The following PPFIA2 variants were observed in gnomAD, a reference collection of about 807,000 sequenced individuals.
PPFIA2 encodes liprin-alpha-2.
In PPFIA2, 46 loss-of-function variants were observed where a neutral mutation model predicts 175.5. The observed-to-expected ratio is 0.26, with a 90% CI of 0.21 to 0.34. The LOEUF (loss-of-function observed/expected upper bound fraction) is 0.34. PPFIA2 is among the 10% of genes least tolerant of loss of function. The pLI is 1.00. For synonymous variants in PPFIA2, 568 were observed against 511.4 expected, an observed-to-expected ratio of 1.11 and a Z score of -1.49; for missense variants, 1,179 against 1,506.1, an observed-to-expected ratio of 0.78 and a Z score of 3.60.
At chr12:81,478,051 G>T (rs1482529087) in intron 4 of PPFIA2, among the ~76,000 whole-genome samples, 1 of 151,818 alleles carries the variant, frequency 6.6e-6, no homozygotes, top group African/African-American at 2.4e-5. Context: ...GGCTTTTTTT[G>T]GTTGGTAGGC....
intron 3 of PPFIA2, among the ~76,000 whole-genome samples, chr12:81,721,363 G>A (rs944757105): frequency 4.6e-5 from 7 of 151,240 alleles, no homozygotes; most frequent in South Asian, 2.1e-4. Context: ...CTCCAATTGG[G>A]AAGGGACTAT....
chr12:81,593,081 C>A (rs1473368815), intron 4 of PPFIA2, among the ~76,000 whole-genome samples: 2 of 152,044 alleles, frequency 1.3e-5, no homozygotes, highest in Non-Finnish European at 2.9e-5. Context: ...AATAAAATTT[C>A]TTCATGCAAT....
rs754898398 is a variant in PPFIA2, at chr12:81,369,289, C to T, written c.1267-95G>A. 4.5e-6 allele frequency: 7 copies of T among 1,539,390 alleles called. No individual in the cohort carries two copies. In the East Asian group the frequency reaches 1.7e-4, roughly 37 times the overall value. ...AAATAAAATGTAAAGCAAGCTACTA[C>T]CAACTGCAAACATAGTTTTTAAAAA... On this transcript the variant is annotated intron_variant, in intron 11 of 32. Coordinates refer to ENST00000549396, the MANE Select transcript of PPFIA2 (RefSeq NM_003625.5).
intron 3 of PPFIA2, among the ~76,000 whole-genome samples, chr12:81,721,144 C>A (rs904317916): frequency 6.7e-6 from 1 of 149,080 alleles, no homozygotes; most frequent in Admixed American, 6.7e-5. Context: ...ATTAATATTA[C>A]AGAAAAGGGG....
At chr12:81,324,086 AT>A (rs1191695984) in intron 22 of PPFIA2, among the ~76,000 whole-genome samples, 4 of 152,028 alleles carry the variant, frequency 2.6e-5, no homozygotes. Flanking sequence ...TTACAGTTAC[AT>A]TTTGCCAATA....
chr12:81,538,002 T>A (rs556848933), intron 4 of PPFIA2, among the ~76,000 whole-genome samples: 5 of 152,020 alleles, frequency 3.3e-5, no homozygotes, highest in Admixed American at 6.6e-5. Context: ...TGCAATCTGA[T>A]AATAAGCAAA....
At chr12:81,579,876 C>T (rs1452366508) in intron 4 of PPFIA2, among the ~76,000 whole-genome samples, 1 of 151,716 alleles carries the variant, frequency 6.6e-6, no homozygotes, top group Non-Finnish European at 1.5e-5. Flanking sequence ...AATTCATTTT[C>T]TCCTACATAT....
intron 4 of PPFIA2, among the ~76,000 whole-genome samples, chr12:81,548,552 T>TA (rs1359745316): frequency 6.6e-6 from 1 of 152,100 alleles, no homozygotes; most frequent in Non-Finnish European, 1.5e-5. Context: ...AGACTGCACT[T>TA]AAACTCCTGT....
At chr12:81,634,255 G>A (rs918183046) in intron 4 of PPFIA2, among the ~76,000 whole-genome samples, 4 of 152,056 alleles carry the variant, frequency 2.6e-5, no homozygotes, top group Non-Finnish European at 4.4e-5. Context: ...GTTTAAAAAT[G>A]TGGATAAGGC....
intron 7 of PPFIA2, chr12:81,424,943 T>C (rs1036829316): frequency 2.0e-5 from 3 of 152,156 alleles, no homozygotes; most frequent in Non-Finnish European, 4.4e-5. Context: ...GGAATAAGTG[T>C]TGATTAACCA....
chr12:81,416,302 A>G lies in PPFIA2; in HGVS notation c.646-10399T>C, dbSNP rs947822726. 4.6e-5 allele frequency among the ~76,000 whole-genome samples: 7 copies of G among 151,736 alleles called. No individual in the cohort carries two copies. The East Asian group carries it at 1.4e-3, about 29-fold the overall frequency. ...CTTGTATGTATCACTGCATGAAAGC[A>G]AGACTCAATTTAGAATATATATAAG... On this transcript the variant is annotated intron_variant, in intron 7 of 32. Transcript: ENST00000549396.
chr12:81,638,740 T>G (rs1347560990), intron 4 of PPFIA2, among the ~76,000 whole-genome samples: 1 of 125,034 alleles, frequency 8.0e-6, no homozygotes, highest in African/African-American at 3.2e-5. Flanking sequence ...CAGGCTGGAG[T>G]GCAGTGGCGG....
In PPFIA2 at chr12:81,367,384, T is replaced by G. The variant is rs113076333; in HGVS notation, c.1483-214A>C. 4.0e-5 allele frequency among the ~76,000 whole-genome samples: 6 copies of G among 151,796 alleles called. 1 individual carries two copies. The highest frequency in any genetic ancestry group is 1.4e-4 in the African/African-American group (6 of 41,524). On this transcript the variant is annotated intron_variant, in intron 13 of 32. Coordinates refer to ENST00000549396, the MANE Select transcript of PPFIA2 (RefSeq NM_003625.5). The stretch of plus-strand genomic sequence containing the variant: ...ATAATTTAAATGGGAAATGCTATTT[T>G]GTAACACTTGAATGAACAAATGAAA...
chr12:81,666,467 C>T (rs1450533410), intron 4 of PPFIA2, among the ~76,000 whole-genome samples: 83 of 152,096 alleles, frequency 5.5e-4, no homozygotes, highest in Middle Eastern at 3.4e-3. Flanking sequence ...TGTAGGGACA[C>T]GGATGAAGCT....
chr12:81,720,526 A>G (rs1370442083), intron 3 of PPFIA2, among the ~76,000 whole-genome samples: 2 of 151,316 alleles, frequency 1.3e-5, no homozygotes, highest in Non-Finnish European at 3.0e-5. Flanking sequence ...CTTCTTTGGG[A>G]TGCTACCTGT....
chr12:81,445,807 C>T, intron 5 of PPFIA2, 87 bp from the exon 6 acceptor site: 2 of 1,290,206 alleles, frequency 1.6e-6, no homozygotes, highest in African/African-American at 1.5e-5. Context: ...TTATTGCAGG[C>T]TTACATAGTA....
intron 4 of PPFIA2, among the ~76,000 whole-genome samples, chr12:81,659,580 C>A (rs1023232346): frequency 6.6e-6 from 1 of 152,206 alleles, no homozygotes; most frequent in Non-Finnish European, 1.5e-5. Flanking sequence ...GTGGAGCCCA[C>A]TGCAGCTCAA....
At position 81,470,235 on chromosome 12, in the gene PPFIA2, T is replaced by C. The variant is rs139344559; in HGVS notation, c.304-12369A>G. 6.8e-4 allele frequency among the ~76,000 whole-genome samples: 103 copies of C among 152,256 alleles called. 2 individuals are homozygous for C. The highest frequency in any genetic ancestry group is 2.4e-3 in the African/African-American group (99 of 41,560). On this transcript the variant is annotated intron_variant, in intron 4 of 32. Transcript: ENST00000549396. ...AATATATAAATAACTATTACAATTCTATAATAAGAAGACAAATAACCAAAT... is the reference window on the plus strand; with the variant it reads ...AATATATAAATAACTATTACAATTCCATAATAAGAAGACAAATAACCAAAT...
intron 4 of PPFIA2, among the ~76,000 whole-genome samples, chr12:81,642,040 G>A (rs1442961396): frequency 1.3e-5 from 2 of 151,924 alleles, no homozygotes; most frequent in Non-Finnish European, 2.9e-5. Context: ...AGTTATCCAA[G>A]GCTTGCAGTA....
Sources: gnomAD v4.1 joint callset for allele counts (sites outside exome capture counted in the v4.1 genomes callset) on GRCh38, gnomAD v4.1.1 for gene constraint, MANE v1.5 for transcripts, NCBI Gene and HGNC (gene_info 2026-07-23, HGNC 2026-07-21) for gene names.